The following TRAM2 variants were observed in gnomAD, a reference collection of about 807,000 sequenced individuals.
TRAM2 encodes the protein translocation associated membrane protein 2.
Under a neutral mutation model 51.0 loss-of-function variants are expected in TRAM2, and 12 were observed. That is an observed-to-expected ratio of 0.24 (90% CI 0.15 to 0.38). The LOEUF (loss-of-function observed/expected upper bound fraction) is 0.38, where lower values mean the gene tolerates loss of function less well. Among genes scored for constraint, TRAM2 ranks in the 10% least tolerant of loss-of-function variants. The probability of loss-of-function intolerance (pLI) is 1.00; values close to 1 mark genes in which losing one functional copy is unlikely to be tolerated. For synonymous variants in TRAM2, 175 were observed against 179.4 expected (o/e 0.98, Z 0.20); for missense variants, 361 against 462.0 (o/e 0.78, Z 2.00).
rs540404909 is a variant in TRAM2, at chr6:52,541,729, AGAG to A, written c.121-5886_121-5884del. Among the ~76,000 whole-genome samples the A allele has an allele frequency of 6.6e-5, 10 of 152,142 alleles. No individual in the cohort carries two copies. In the East Asian group the frequency reaches 1.9e-3, roughly 29 times the overall value. ...TTGTTAGCTGGTCACCAAAGATAAA[AGAG>A]AAGAACTGTGATGAAAGCAGTTTCA... On this transcript the variant is annotated intron_variant, in intron 1 of 10. Transcript: ENST00000182527.
intron 2 of TRAM2, among the ~76,000 whole-genome samples, chr6:52,521,230 AGAG>A (rs1333340289): frequency 5.9e-5 from 9 of 151,944 alleles, no homozygotes; most frequent in Non-Finnish European, 1.0e-4. Context: ...ACTTTTGATC[AGAG>A]GAGGAAAGTA....
At chr6:52,556,220 G>GGGCTCAGAGGGCTT (rs1309105318) in intron 1 of TRAM2, among the ~76,000 whole-genome samples, 1 of 151,768 alleles carries the variant, frequency 6.6e-6, no homozygotes, top group African/African-American at 2.4e-5. Context: ...GGGAGAAGTG[G>GGGCTCAGAGGGCTT]GGCTCAGAGG....
chr6:52,575,538 A>C (rs917972580), intron 1 of TRAM2, among the ~76,000 whole-genome samples: 1 of 142,344 alleles, frequency 7.0e-6, no homozygotes, highest in African/African-American at 2.7e-5. Flanking sequence ...CATTCATCCA[A>C]CCCTGACTTG....
chr6:52,503,405 G>C, intron 10 of TRAM2, 135 bp from the exon 11 acceptor site: 1 of 781,444 alleles, frequency 1.3e-6, no homozygotes, highest in South Asian at 1.5e-5. Context: ...AGGGGCGCCA[G>C]GCTGCAGCCT....
intron 1 of TRAM2, among the ~76,000 whole-genome samples, chr6:52,561,472 A>T (rs1267251232): frequency 4.1e-5 from 6 of 144,998 alleles, no homozygotes; most frequent in African/African-American, 2.5e-5. Context: ...TTTAGTAGAG[A>T]TGGAGTTTCT....
chr6:52,552,012 A>T (rs1767317941), intron 1 of TRAM2, among the ~76,000 whole-genome samples: 1 of 152,272 alleles, frequency 6.6e-6, no homozygotes, highest in African/African-American at 2.4e-5. Flanking sequence ...GCTCAGCGTG[A>T]TCAGACAACA....
intron 1 of TRAM2, among the ~76,000 whole-genome samples, chr6:52,550,446 TCTGA>T (rs1175164380): frequency 3.9e-5 from 6 of 152,238 alleles, no homozygotes; most frequent in African/African-American, 1.4e-4. Context: ...CTGTTGGGAC[TCTGA>T]CTGATGGAGA....
chr6:52,553,979 C>A (rs1292493666), intron 1 of TRAM2, among the ~76,000 whole-genome samples: 1 of 152,148 alleles, frequency 6.6e-6, no homozygotes, highest in African/African-American at 2.4e-5. Context: ...GATAAGCCAC[C>A]AGCAGCAACA....
intron 10 of TRAM2, 139 bp from the exon 11 acceptor site, chr6:52,503,409 G>C: frequency 1.3e-6 from 1 of 758,838 alleles, no homozygotes; most frequent in South Asian, 1.5e-5. Flanking sequence ...GCGCCAGGCT[G>C]CAGCCTTGCA....
intron 4 of TRAM2, among the ~76,000 whole-genome samples, chr6:52,514,019 G>A (rs1184880988): frequency 6.6e-6 from 1 of 152,140 alleles, no homozygotes; most frequent in African/African-American, 2.4e-5. Flanking sequence ...ACGCCATATC[G>A]TAGCATCCCT....
At chr6:52,556,285 CTTT>C (rs10531756) in intron 1 of TRAM2, among the ~76,000 whole-genome samples, 58 of 146,060 alleles carry the variant, frequency 4.0e-4, no homozygotes, top group South Asian at 4.4e-4. Flanking sequence ...TTTTGTTTGG[CTTT>C]TTTTTTTTTT....
chr6:52,529,836 C>T (rs1485809628), intron 2 of TRAM2: 1 of 152,176 alleles, frequency 6.6e-6, no homozygotes, highest in African/African-American at 2.4e-5. Flanking sequence ...GAAAGGAAGC[C>T]AGCAGGCCTG....
chr6:52,532,552 A>G (rs995407583), intron 2 of TRAM2, among the ~76,000 whole-genome samples: 4 of 152,248 alleles, frequency 2.6e-5, no homozygotes, highest in African/African-American at 9.6e-5. Context: ...AAACCTTTAC[A>G]TACTACTTAA....
intron 2 of TRAM2, among the ~76,000 whole-genome samples, chr6:52,531,733 A>C (rs541097725): frequency 2.6e-5 from 4 of 151,930 alleles, no homozygotes; most frequent in African/African-American, 9.7e-5. Context: ...CAACCCCCAC[A>C]CTCAGAAACA....
intron 10 of TRAM2, 110 bp from the exon 11 acceptor site, chr6:52,503,380 A>C: frequency 1.1e-6 from 1 of 936,414 alleles, no homozygotes; most frequent in South Asian, 1.3e-5. Flanking sequence ...CAGCTGCTAT[A>C]CATGGATGCA....
rs749604374 is a variant in TRAM2, at chr6:52,506,108, G to A, written c.655C>T (p.Leu219=). Residue 219 remains leucine (L), a synonymous_variant, in exon 8 of 11, where the codon CTG becomes TTG. Coordinates refer to ENST00000182527, the MANE Select transcript of TRAM2 (RefSeq NM_012288.4). ...NLSRLGLILL[L]LQYSTEFLFH... ...AGGAACTCAGTTGAGTACTGCAGCAGCAGCAAGATCAGGCCCAGGCGGCTC... is the reference window on the plus strand; with the variant it reads ...AGGAACTCAGTTGAGTACTGCAGCAACAGCAAGATCAGGCCCAGGCGGCTC... The A allele has an allele frequency of 1.2e-6, 2 of 1,614,130 alleles. No individual in the cohort carries two copies. The highest frequency in any genetic ancestry group is 3.3e-5 in the Admixed American group (2 of 60,034).
intron 1 of TRAM2, among the ~76,000 whole-genome samples, chr6:52,559,742 C>G (rs116741631): frequency 6.6e-6 from 1 of 152,230 alleles, no homozygotes; most frequent in African/African-American, 2.4e-5. Context: ...TCTCTCACCT[C>G]TGGGCTTACC....
rs369245472 is a variant in TRAM2 at position 52,504,730 on chromosome 6, A to G, written c.900T>C (p.Cys300=). 2 of 1,609,478 alleles carry G rather than the reference A, an allele frequency of 1.2e-6. No individual in the cohort carries two copies. Among genetic ancestry groups the G allele is most frequent in the African/African-American group, 2.7e-5 (2 of 74,994 alleles). The part of the protein sequence containing the change: ...FCRLCVLLLV[C]AAQAWLMWRF... The stretch of plus-strand genomic sequence containing the variant: ...GCCACATGAGCCAGGCCTGGGCGGC[A>G]CACACCAGCAGCAGCACGCAGAGCC... The change falls in exon 10 of 11, where the codon TGT becomes TGC. Residue 300 remains cysteine (C), a synonymous_variant. Transcript: ENST00000182527.
chr6:52,551,212 T>C (rs929187457), intron 1 of TRAM2, among the ~76,000 whole-genome samples: 1 of 152,196 alleles, frequency 6.6e-6, no homozygotes, highest in Non-Finnish European at 1.5e-5. Context: ...CCTGGCTTCA[T>C]GAACACTCGA....
Sources: gnomAD v4.1 joint callset for allele counts (sites outside exome capture counted in the v4.1 genomes callset) on GRCh38, gnomAD v4.1.1 for gene constraint, MANE v1.5 for transcripts, NCBI Gene and HGNC (gene_info 2026-07-23, HGNC 2026-07-21) for gene names.